Variants in TDRD9 observed in about 807,000 individuals in gnomAD.
The protein encoded by TDRD9 is tudor domain containing 9.
Under a neutral mutation model 172.6 loss-of-function variants are expected in TDRD9, and 124 were observed. The observed-to-expected ratio is 0.72, with a 90% confidence interval of 0.62 to 0.83. The LOEUF (loss-of-function observed/expected upper bound fraction) is 0.83, where lower values mean the gene tolerates loss of function less well. Ranked by LOEUF, TDRD9 falls within the 40% of genes least tolerant of loss-of-function variation. The pLI, the probability that TDRD9 is intolerant of heterozygous loss-of-function variation, is 0.00. For missense variants in TDRD9, 1,479 were observed against 1,714.1 expected (o/e 0.86, Z 2.42); for synonymous variants, 619 against 617.1 (o/e 1.00, Z -0.05).
At chr14:104,027,609 A>G (rs1378431284) in intron 28 of TDRD9, among the ~76,000 whole-genome samples, 1 of 152,208 alleles carries the variant, frequency 6.6e-6, no homozygotes, top group African/African-American at 2.4e-5. Context: ...TATGGGATAT[A>G]GAGTCATATT....
intron 34 of TDRD9, among the ~76,000 whole-genome samples, chr14:104,042,986 TTC>T (rs1355861433): frequency 2.6e-5 from 4 of 152,036 alleles, no homozygotes; most frequent in Admixed American, 1.3e-4. Flanking sequence ...AGTTTTAGTT[TTC>T]TCTCTTCATT....
intron 32 of TDRD9, among the ~76,000 whole-genome samples, chr14:104,036,257 C>A (rs1247951422): frequency 6.6e-6 from 1 of 152,134 alleles, no homozygotes; most frequent in Non-Finnish European, 1.5e-5. Flanking sequence ...TGATGGCTTA[C>A]AAAAATACCG....
chr14:104,040,298 G>C lies in TDRD9; in HGVS notation c.3819G>C (p.Ala1273=), dbSNP rs1354884446. Residue 1273 remains alanine, a synonymous_variant, in exon 33 of 36, where the codon GCG becomes GCC. Coordinates refer to ENST00000409874, the MANE Select transcript of TDRD9 (RefSeq NM_153046.3). ...TGCCCGAGCACGACATGGAGCTTGC[G>C]TTTGACGTTCAATTCAGCGTGGAGG... The part of the protein sequence containing the change: ...SILPEHDMEL[A]FDVQFSVEDV... 1 of 1,551,562 alleles carries C rather than the reference G, an allele frequency of 6.4e-7. No individual in the cohort carries two copies. The highest frequency in any genetic ancestry group is 1.2e-5 in the South Asian group (1 of 83,962).
intron 2 of TDRD9, 120 bp from the exon 3 acceptor site, chr14:103,962,959 T>C (rs2032575599): frequency 3.8e-6 from 2 of 525,314 alleles, no homozygotes; most frequent in Non-Finnish European, 3.1e-6. Context: ...TGTATTTTTG[T>C]ATTTGAGTGT....
chr14:104,016,598 A>G (rs2034800340), intron 22 of TDRD9, among the ~76,000 whole-genome samples: 1 of 152,214 alleles, frequency 6.6e-6, no homozygotes, highest in Non-Finnish European at 1.5e-5. Flanking sequence ...CCTAGAAATC[A>G]GCATTCAAGT....
Position 104,022,185 on chromosome 14 carries a change from A to G in TDRD9, c.2461A>G (p.Thr821Ala). The change falls in exon 24 of 36, where the codon ACA becomes GCA. Residue 821 changes from threonine (T) to alanine (A), a missense_variant. By Grantham distance (58) the Thr-to-Ala change is moderately conservative. Transcript: ENST00000409874. ...KAFVEFSRNP[T>A]ERFKTLPAVY... Reference sequence around the variant, plus strand: ...CTTTGTGGAATTCTCACGAAATCCAACAGAGAGATTTAAAACCCTTCCTGC... The same window carrying G: ...CTTTGTGGAATTCTCACGAAATCCAGCAGAGAGATTTAAAACCCTTCCTGC... 6.4e-7 allele frequency: 1 copy of G among 1,562,912 alleles called. No homozygotes were observed. The highest frequency in any genetic ancestry group is 8.7e-7 in the Non-Finnish European group (1 of 1,153,350).
chr14:103,970,459 C>A, intron 5 of TDRD9, 82 bp from the exon 6 acceptor site: 1 of 956,142 alleles, frequency 1.0e-6, no homozygotes. Flanking sequence ...AGTCCCCAGT[C>A]CCCCAGTGGT....
intron 5 of TDRD9, among the ~76,000 whole-genome samples, chr14:103,967,223 T>C (rs2032786870): frequency 6.6e-6 from 1 of 151,514 alleles, no homozygotes; most frequent in African/African-American, 2.4e-5. Context: ...AATCAAACCA[T>C]TTGGGCAACG....
At position 103,975,432 on chromosome 14, in the gene TDRD9, A is replaced by G. The variant is rs368302018; in HGVS notation, c.890A>G (p.Asp297Gly). ...ACCATCAGCTGTAAAGAGTTTGCAG[A>G]CTACTTTGCTGTTCCTGTTCAAAAC... ...SATISCKEFA[D>G]YFAVPVQNKM... Residue 297 changes from aspartate (D) to glycine (G), a missense_variant, in exon 7 of 36, where the codon GAC (aspartate) becomes GGC (glycine). Transcript: ENST00000409874. The G allele has an allele frequency of 5.1e-5, 83 of 1,613,778 alleles. No homozygotes were observed. Among genetic ancestry groups the G allele is most frequent in the Non-Finnish European group, 6.3e-5 (74 of 1,179,848 alleles).
At chr14:103,996,680 T>C (rs1296545331) in intron 12 of TDRD9, among the ~76,000 whole-genome samples, 1 of 152,176 alleles carries the variant, frequency 6.6e-6, no homozygotes, top group Non-Finnish European at 1.5e-5. Flanking sequence ...GTTTTGTCTT[T>C]GTACCAGCGA....
intron 19 of TDRD9, 83 bp from the exon 20 acceptor site, chr14:104,008,330 G>C: frequency 1.2e-6 from 1 of 813,830 alleles, no homozygotes; most frequent in East Asian, 2.5e-5. Flanking sequence ...TTAAATTTTT[G>C]GATGAAATAT....
intron 1 of TDRD9, among the ~76,000 whole-genome samples, chr14:103,930,552 G>A (rs1189247947): frequency 6.6e-6 from 1 of 152,172 alleles, no homozygotes; most frequent in Non-Finnish European, 1.5e-5. Flanking sequence ...TCTGGGTCAA[G>A]CTTTCGTGGG....
In TDRD9 at chr14:103,941,156, T is replaced by C. The variant is rs1024073565; in HGVS notation, c.215+12432T>C. On this transcript the variant is annotated intron_variant, in intron 1 of 35. Transcript: ENST00000409874. ...AGTTTAGAACATTTTTTGTTATATC[T>C]CTTTATCTCCAAAATACAGCTTGAA... The C allele has an allele frequency of 2.2e-6, 3 of 1,338,282 alleles. No homozygotes were observed. The African/African-American group carries it at 4.4e-5, about 20-fold the overall frequency. The allele number at this position is 1,338,282 out of a possible 1,614,324, so 82.9% of individuals were successfully genotyped here. A position where few individuals can be genotyped will look rare whatever the true frequency, so the allele number is the denominator to read the frequency against.
intron 2 of TDRD9, among the ~76,000 whole-genome samples, chr14:103,959,015 G>T (rs1053485040): frequency 6.6e-6 from 1 of 152,110 alleles, no homozygotes; most frequent in Non-Finnish European, 1.5e-5. Context: ...GGAGGAAGAG[G>T]GTGTCATGTG....
intron 6 of TDRD9, among the ~76,000 whole-genome samples, chr14:103,971,915 G>A (rs1037683080): frequency 6.6e-6 from 1 of 152,168 alleles, no homozygotes; most frequent in South Asian, 2.1e-4. Context: ...CAGCAGTTTG[G>A]GGGGCAAAGG....
intron 35 of TDRD9, chr14:104,050,041 G>C (rs1039036529): frequency 5.2e-6 from 1 of 191,742 alleles, no homozygotes; most frequent in Non-Finnish European, 1.1e-5. Flanking sequence ...GGGCTGTACT[G>C]GTTGTTGTCT....
chr14:103,956,140 A>G (rs1408614504), intron 2 of TDRD9, among the ~76,000 whole-genome samples: 3 of 114,638 alleles, frequency 2.6e-5, no homozygotes, highest in Non-Finnish European at 5.1e-5. Context: ...ATATATATAT[A>G]TATATATATA....
At chr14:103,989,403 G>T (rs1366919588) in intron 8 of TDRD9, among the ~76,000 whole-genome samples, 2 of 152,180 alleles carry the variant, frequency 1.3e-5, no homozygotes, top group East Asian at 3.9e-4. Flanking sequence ...TGGATGCATG[G>T]TAATACCATT....
chr14:103,934,258 T>C (rs2030601420), intron 1 of TDRD9, among the ~76,000 whole-genome samples: 1 of 152,056 alleles, frequency 6.6e-6, no homozygotes, highest in Non-Finnish European at 1.5e-5. Context: ...AGCAGTCCTC[T>C]CCTCTGGGCC....
Sources: allele counts gnomAD v4.1 joint callset (sites outside exome capture counted in the v4.1 genomes callset), GRCh38; gene constraint gnomAD v4.1.1; transcripts MANE v1.5; gene names NCBI Gene and HGNC (gene_info 2026-07-23, HGNC 2026-07-21).